The following GALNTL6 variants were observed in gnomAD, a reference collection of about 807,000 sequenced individuals.
GALNTL6 encodes polypeptide N-acetylgalactosaminyltransferase-like 6.
In GALNTL6, 46 loss-of-function variants were observed where a neutral mutation model predicts 73.7. The ratio of observed to expected loss-of-function variants is 0.62; its 90% CI spans 0.49 to 0.80. GALNTL6 has a LOEUF of 0.80. Among genes scored for constraint, GALNTL6 ranks in the 30% least tolerant of loss-of-function variants. The pLI is 0.00. For synonymous variants in GALNTL6, 259 were observed against 263.7 expected, an observed-to-expected ratio of 0.98 and a Z score of 0.17; for missense variants, 604 against 755.0, an observed-to-expected ratio of 0.80 and a Z score of 2.34.
intron 3 of GALNTL6, among the ~76,000 whole-genome samples, chr4:172,252,722 G>A (rs548920630): frequency 4.8e-4 from 73 of 152,142 alleles, no homozygotes; most frequent in African/African-American, 1.7e-3. Context: ...TGTGAAACAA[G>A]GCTGAAGTAT....
intron 3 of GALNTL6, among the ~76,000 whole-genome samples, chr4:172,279,621 G>A (rs1738970716): frequency 6.6e-6 from 1 of 152,058 alleles, no homozygotes; most frequent in African/African-American, 2.4e-5. Context: ...CCCTGTTGCT[G>A]GGAATGTAAA....
At chr4:172,694,843 A>T (rs1733588811) in intron 5 of GALNTL6, among the ~76,000 whole-genome samples, 1 of 152,192 alleles carries the variant, frequency 6.6e-6, no homozygotes, top group Non-Finnish European at 1.5e-5. Flanking sequence ...CTTTTTAAAA[A>T]CTAAACAAAT....
At chr4:172,919,445 T>C (rs1747686403) in intron 8 of GALNTL6, among the ~76,000 whole-genome samples, 2 of 152,136 alleles carry the variant, frequency 1.3e-5, no homozygotes, top group South Asian at 2.1e-4. Flanking sequence ...CCAGCCACCA[T>C]GATGAAACCT....
At chr4:172,067,081 C>A (rs1006517322) in intron 2 of GALNTL6, among the ~76,000 whole-genome samples, 2 of 151,794 alleles carry the variant, frequency 1.3e-5, no homozygotes, top group Non-Finnish European at 2.9e-5. Flanking sequence ...TCTTATTCCA[C>A]CTTTTCTGCT....
At chr4:172,587,115 T>C (rs1737441591) in intron 5 of GALNTL6, among the ~76,000 whole-genome samples, 1 of 145,252 alleles carries the variant, frequency 6.9e-6, no homozygotes. Context: ...GTGAAAATAT[T>C]GGGGTTCTAA....
chr4:172,247,756 G>T (rs930529081), intron 3 of GALNTL6, among the ~76,000 whole-genome samples: 11 of 152,080 alleles, frequency 7.2e-5, no homozygotes, highest in African/African-American at 2.4e-4. Context: ...AGATACAGAT[G>T]ATTCTTCTTT....
At chr4:172,648,846 A>G (rs1740356518) in intron 5 of GALNTL6, among the ~76,000 whole-genome samples, 1 of 152,150 alleles carries the variant, frequency 6.6e-6, no homozygotes, top group African/African-American at 2.4e-5. Context: ...TCATTTTTGT[A>G]TAAGTCCTTT....
intron 2 of GALNTL6, among the ~76,000 whole-genome samples, chr4:172,067,224 G>A (rs1731392540): frequency 6.6e-6 from 1 of 151,660 alleles, no homozygotes; most frequent in African/African-American, 2.4e-5. Context: ...TTTTTTGCTA[G>A]TATACACAAT....
chr4:172,534,577 A>ATT lies in GALNTL6; in HGVS notation c.553+185898_553+185899dup, dbSNP rs34159994. Among the ~76,000 whole-genome samples the ATT allele has an allele frequency of 4.6e-3, 686 of 150,372 alleles. 5 individuals are homozygous for ATT. Among genetic ancestry groups the ATT allele is most frequent in the African/African-American group, 0.015 (631 of 41,068 alleles). ...ATTCTCAATTTTACCTAAATGAGAA[A>ATT]TTTTTTTTTTTGACGGAGTCTCACT... On this transcript the variant is annotated intron_variant, in intron 5 of 12. Transcript: ENST00000506823.
intron 5 of GALNTL6, among the ~76,000 whole-genome samples, chr4:172,440,881 A>AT (rs1561084348): frequency 6.6e-6 from 1 of 152,024 alleles, no homozygotes; most frequent in African/African-American, 2.4e-5. Flanking sequence ...TAACTATAAA[A>AT]TTTTTTATCA....
At chr4:171,841,239 G>T (rs747750099) in intron 2 of GALNTL6, among the ~76,000 whole-genome samples, 2 of 152,078 alleles carry the variant, frequency 1.3e-5, no homozygotes, top group Non-Finnish European at 2.9e-5. Context: ...TCAGGATGAA[G>T]AATTGAAAGG....
At chr4:172,083,789 A>G (rs35471910) in intron 2 of GALNTL6, among the ~76,000 whole-genome samples, 51,127 of 152,084 alleles carry the variant, frequency 0.34, 9,105 homozygotes, top group South Asian at 0.54. Context: ...CATAAGCTAC[A>G]TTAGGGCAGA....
intron 2 of GALNTL6, among the ~76,000 whole-genome samples, chr4:172,005,908 C>T (rs898583096): frequency 1.3e-5 from 2 of 152,178 alleles, no homozygotes; most frequent in Non-Finnish European, 2.9e-5. Flanking sequence ...CACTTTGGTT[C>T]ACCTTTTCTT....
intron 5 of GALNTL6, among the ~76,000 whole-genome samples, chr4:172,677,143 AAAAT>A (rs1318592339): frequency 5.3e-5 from 8 of 152,234 alleles, no homozygotes; most frequent in African/African-American, 1.9e-4. Context: ...TAACTAAAAA[AAAAT>A]AAACCTCCAA....
intron 3 of GALNTL6, among the ~76,000 whole-genome samples, chr4:172,299,246 A>G (rs1231575176): frequency 1.3e-5 from 2 of 151,288 alleles, no homozygotes; most frequent in Non-Finnish European, 2.9e-5. Flanking sequence ...CATCTATTTG[A>G]TTCTTCTCTC....
At chr4:172,540,565 C>T (rs1023926160) in intron 5 of GALNTL6, among the ~76,000 whole-genome samples, 6 of 152,204 alleles carry the variant, frequency 3.9e-5, no homozygotes, top group Admixed American at 2.6e-4. Flanking sequence ...TAAGTGGCCC[C>T]GAGGTGGTTG....
rs1736294119 is a variant in GALNTL6, at chr4:171,876,810, C to T, written c.138+62092C>T. 2.6e-5 allele frequency among the ~76,000 whole-genome samples: 4 copies of T among 152,328 alleles called. No homozygotes were observed. The South Asian group carries it at 8.3e-4, about 32-fold the overall frequency. ...TACTTTTGTGAATTACATATTTCCT[C>T]AGGCCACTCAGCCTTCGGAGGCAAC... On this transcript the variant is annotated intron_variant, in intron 2 of 12. Transcript: ENST00000506823.
intron 5 of GALNTL6, among the ~76,000 whole-genome samples, chr4:172,763,363 CT>C (rs1738229934): frequency 6.6e-6 from 1 of 152,150 alleles, no homozygotes; most frequent in Non-Finnish European, 1.5e-5. Context: ...GATTTATTTT[CT>C]CACTCATGAT....
intron 7 of GALNTL6, among the ~76,000 whole-genome samples, chr4:172,822,739 C>T (rs559315170): frequency 1.3e-4 from 20 of 152,274 alleles, no homozygotes; most frequent in African/African-American, 4.6e-4. Context: ...ATGTGTTGAA[C>T]TGTGAAGTTC....
Sources: allele counts gnomAD v4.1 joint callset (sites outside exome capture counted in the v4.1 genomes callset), GRCh38; gene constraint gnomAD v4.1.1; transcripts MANE v1.5; gene names NCBI Gene and HGNC (gene_info 2026-07-23, HGNC 2026-07-21).